GJB5: variants seen among roughly 807,000 people sequenced by gnomAD.
The protein encoded by GJB5 is gap junction protein beta 5.
For synonymous variants in GJB5, 146 were observed against 145.5 expected (o/e 1.00, Z -0.02); for missense variants, 333 against 357.9 (o/e 0.93, Z 0.56).
At chr1:34,756,857 G>T (rs540185908) in intron 1 of GJB5, among the ~76,000 whole-genome samples, 8 of 152,328 alleles carry the variant, frequency 5.3e-5, no homozygotes, top group Admixed American at 5.2e-4. Flanking sequence ...TGGGGAAGGG[G>T]CTGTCTGAGA....
Position 34,758,261 on chromosome 1 carries a change from C to G in GJB5, c.*109C>G. 1.2e-6 allele frequency: 1 copy of G among 818,468 alleles called. No individual in the cohort carries two copies. Among genetic ancestry groups the G allele is most frequent in the Admixed American group, 2.6e-5 (1 of 38,186 alleles). 50.7% of individuals were successfully genotyped at this position (818,468 alleles called of 1,614,324 possible). A position where few individuals can be genotyped will look rare whatever the true frequency, so the allele number is the denominator to read the frequency against. On this transcript the variant is annotated 3_prime_UTR_variant, in exon 2 of 2. Coordinates refer to ENST00000338513, the MANE Select transcript of GJB5 (RefSeq NM_005268.4). ...AGCTAAGCCATGAGGTAGGGGCAGGCAAGAGAGAGGATTCAGACGCTCTGG... is the reference window on the plus strand; with the variant it reads ...AGCTAAGCCATGAGGTAGGGGCAGGGAAGAGAGAGGATTCAGACGCTCTGG...
At position 34,757,527 on chromosome 1, in the gene GJB5, A is replaced by G; in HGVS notation, c.197A>G (p.Asp66Gly). ...CCCGGCTGCTCCAACGTCTGCTTTG[A>G]TGAGTTCTTCCCTGTGTCCCATGTG... ...RQPGCSNVCF[D>G]EFFPVSHVRL... The change falls in exon 2 of 2, where the codon GAT becomes GGT. Residue 66 changes from aspartate to glycine, a missense_variant. By Grantham distance (94) the Asp-to-Gly change is moderately conservative (BLOSUM62 -1). Coordinates refer to ENST00000338513, the MANE Select transcript of GJB5 (RefSeq NM_005268.4). The G allele has an allele frequency of 6.2e-7, 1 of 1,614,064 alleles. No homozygotes were observed. Among genetic ancestry groups the G allele is most frequent in the Non-Finnish European group, 8.5e-7 (1 of 1,180,002 alleles).
intron 1 of GJB5, among the ~76,000 whole-genome samples, chr1:34,755,644 T>C (rs1388644141): frequency 7.0e-6 from 1 of 142,914 alleles, no homozygotes; most frequent in African/African-American, 2.6e-5. Context: ...GGAGACAGGG[T>C]GGTGGGCAAA....
At position 34,757,664 on chromosome 1, in the gene GJB5, A is replaced by G; in HGVS notation, c.334A>G (p.Asn112Asp). Reference protein sequence around the residue: ...EKRHREAHGENSGRLYLNPGK... With the variant: ...EKRHREAHGEDSGRLYLNPGK... ...GAGGCACCGAGAAGCCCATGGGGAG[A>G]ACAGTGGGCGCCTCTACCTGAACCC... Residue 112 changes from asparagine (N) to aspartate (D), a missense_variant, in exon 2 of 2, where the codon AAC (asparagine) becomes GAC (aspartate). Physicochemically the swap from Asn to Asp is conservative, Grantham distance 23. Coordinates refer to ENST00000338513, the MANE Select transcript of GJB5 (RefSeq NM_005268.4). 6.2e-7 allele frequency: 1 copy of G among 1,613,452 alleles called. No individual in the cohort carries two copies. Among genetic ancestry groups the G allele is most frequent in the Non-Finnish European group, 8.5e-7 (1 of 1,179,880 alleles).
Position 34,757,914 on chromosome 1 carries a change from C to T in GJB5, c.584C>T (p.Ala195Val). ...IFTLFMVATA[A>V]ICILLNLVEL... ...ACCCTCTTCATGGTGGCCACAGCTG[C>T]CATCTGCATCCTGCTCAACCTCGTG... The change falls in exon 2 of 2, where the codon GCC becomes GTC. Residue 195 changes from alanine to valine, a missense_variant. Physicochemically the swap from Ala to Val is moderately conservative, Grantham distance 64. Coordinates refer to ENST00000338513, the MANE Select transcript of GJB5 (RefSeq NM_005268.4). The T allele has an allele frequency of 1.2e-6, 2 of 1,614,042 alleles. No individual in the cohort carries two copies. The highest frequency in any genetic ancestry group is 1.7e-6 in the Non-Finnish European group (2 of 1,180,004).
chr1:34,757,351 G>A lies in GJB5; in HGVS notation c.21G>A (p.Glu7=). The stretch of plus-strand genomic sequence containing the variant: ...CCACCATGAACTGGAGTATCTTTGA[G>A]GGACTCCTGAGTGGGGTCAACAAGT... MNWSIF[E]GLLSGVNKYS... is the part of the protein sequence containing the mutation. Residue 7 remains glutamate, a synonymous_variant, in exon 2 of 2, where the codon GAG becomes GAA. Transcript: ENST00000338513. The A allele has an allele frequency of 6.2e-7, 1 of 1,613,534 alleles. No individual in the cohort carries two copies. The highest frequency in any genetic ancestry group is 8.5e-7 in the Non-Finnish European group (1 of 1,179,506).
Sources: allele counts gnomAD v4.1 joint callset (sites outside exome capture counted in the v4.1 genomes callset), GRCh38; gene constraint gnomAD v4.1.1; transcripts MANE v1.5; gene names NCBI Gene and HGNC (gene_info 2026-07-23, HGNC 2026-07-21).